The following UPF2 variants were observed in gnomAD, a reference collection of about 807,000 sequenced individuals.
UPF2 encodes UPF2 regulator of nonsense mediated mRNA decay.
UPF2 carries 17 observed loss-of-function variants against 141.4 expected under a neutral mutation model. That is an observed-to-expected ratio of 0.12 (90% confidence interval 0.08 to 0.18). The LOEUF is 0.18. Ranked by LOEUF, UPF2 falls within the 10% of genes least tolerant of loss-of-function variation. The pLI is 1.00. For missense variants in UPF2, 1,152 were observed against 1,515.9 expected (o/e 0.76, Z 3.99); for synonymous variants, 540 against 498.0 (o/e 1.08, Z -1.12).
chr10:11,958,019 A>G (rs2131192373), intron 12 of UPF2, among the ~76,000 whole-genome samples: 2 of 152,248 alleles, frequency 1.3e-5, no homozygotes, highest in Middle Eastern at 3.4e-3. Flanking sequence ...CAAGTTAAAA[A>G]TATGTGAAGT....
chr10:12,036,240 A>C (rs966204740), intron 1 of UPF2, among the ~76,000 whole-genome samples: 1 of 152,174 alleles, frequency 6.6e-6, no homozygotes, highest in African/African-American at 2.4e-5. Flanking sequence ...GCTCTGTAGG[A>C]GGTTTAGCAG....
chr10:11,992,414 A>C lies in UPF2; in HGVS notation c.1844+5258T>G, dbSNP rs951968325. ...ATTAACTAATATCAGATGAGTGACT[A>C]AAGAGAGTAAGAAAAGAAGACACCA... On this transcript the variant is annotated intron_variant, in intron 8 of 21. Coordinates refer to ENST00000357604, the MANE Select transcript of UPF2 (RefSeq NM_015542.4). The surrounding 1 kb of genome is among the most constrained non-coding windows in gnomAD (Gnocchi z 4.1). Among the ~76,000 whole-genome samples the C allele has an allele frequency of 2.0e-5, 3 of 152,338 alleles. No individual in the cohort carries two copies. The highest frequency in any genetic ancestry group is 7.2e-5 in the African/African-American group (3 of 41,584).
At chr10:12,026,411 A>G (rs920921355) in intron 3 of UPF2, among the ~76,000 whole-genome samples, 1 of 152,188 alleles carries the variant, frequency 6.6e-6, no homozygotes, top group South Asian at 2.1e-4. Context: ...AGTGTCTGGA[A>G]ATCATGGAGC....
rs138102527 is a variant in UPF2, at chr10:12,015,723, A to G, written c.1146-1539T>C. ...GTCTCATAAATAAATAAATAAATAA[A>G]TACTATAACAATTCAAGTAACAATA... is the stretch of plus-strand genomic sequence containing the variant. On this transcript the variant is annotated intron_variant, in intron 3 of 21. Transcript: ENST00000357604. Among the ~76,000 whole-genome samples, 273 of 152,236 alleles carry G rather than the reference A, an allele frequency of 1.8e-3. 1 individual carries two copies. Among genetic ancestry groups the G allele is most frequent in the Middle Eastern group, 0.017 (5 of 294 alleles).
At chr10:11,995,518 C>T (rs112953522) in intron 8 of UPF2, among the ~76,000 whole-genome samples, 15 of 152,246 alleles carry the variant, frequency 9.9e-5, no homozygotes, top group African/African-American at 3.4e-4. Context: ...GGCGCGGTGG[C>T]TCACACATCT....
chr10:11,998,310 G>GA lies in UPF2; in HGVS notation c.1759-554dup, dbSNP rs1833897133. 1.3e-5 allele frequency among the ~76,000 whole-genome samples: 2 copies of GA among 152,064 alleles called. No homozygotes were observed. The highest frequency in any genetic ancestry group is 4.8e-5 in the African/African-American group (2 of 41,418). ...CTGACAGAGGAGAATTCTTCCAAAA[G>GA]AAACTCAACTGTCTTCAATCCCCTG... On this transcript the variant is annotated intron_variant, in intron 7 of 21. Transcript: ENST00000357604. This position sits in a 1 kb window ranked among gnomAD's most constrained non-coding sequence, Gnocchi z 4.5.
At chr10:11,960,933 TAAA>T (rs775837234) in intron 11 of UPF2, among the ~76,000 whole-genome samples, 1 of 151,214 alleles carries the variant, frequency 6.6e-6, no homozygotes, top group Non-Finnish European at 1.5e-5. Context: ...CTCTATAAAA[TAAA>T]AAAATTAGCC....
chr10:12,011,448 A>C (rs1834125830), intron 4 of UPF2, among the ~76,000 whole-genome samples: 1 of 151,304 alleles, frequency 6.6e-6, no homozygotes, highest in African/African-American at 2.4e-5. Flanking sequence ...AAATGCAAAA[A>C]TTAGCTGGGC....
chr10:12,031,908 T>G (rs1325748912), intron 2 of UPF2, among the ~76,000 whole-genome samples: 1 of 152,206 alleles, frequency 6.6e-6, no homozygotes, highest in African/African-American at 2.4e-5. Context: ...AAAGGTGGCC[T>G]CTATCACTGA....
At chr10:11,943,871 T>A (rs1832967176) in intron 16 of UPF2, among the ~76,000 whole-genome samples, 1 of 151,646 alleles carries the variant, frequency 6.6e-6, no homozygotes, top group African/African-American at 2.4e-5. Flanking sequence ...AAATTTCTTG[T>A]CAAACAGAAG....
In UPF2 at chr10:11,992,977, C is replaced by T. The variant is rs759155172; in HGVS notation, c.1844+4695G>A. On this transcript the variant is annotated intron_variant, in intron 8 of 21. Coordinates refer to ENST00000357604, the MANE Select transcript of UPF2 (RefSeq NM_015542.4). The surrounding 1 kb of genome is among the most constrained non-coding windows in gnomAD (Gnocchi z 4.1). ...CAGCCTGGTTAATATGGTGAAACCCCGTTTCTACTAAAACTACAAAAAATT... is the reference window on the plus strand; with the variant it reads ...CAGCCTGGTTAATATGGTGAAACCCTGTTTCTACTAAAACTACAAAAAATT... Among the ~76,000 whole-genome samples the T allele has an allele frequency of 1.3e-5, 2 of 151,878 alleles. No homozygotes were observed. Among genetic ancestry groups the T allele is most frequent in the East Asian group, 1.9e-4 (1 of 5,180 alleles).
chr10:11,942,270 G>C (rs1161951488), intron 18 of UPF2, among the ~76,000 whole-genome samples: 3 of 152,178 alleles, frequency 2.0e-5, no homozygotes, highest in Non-Finnish European at 2.9e-5. Context: ...CTACTAGGGA[G>C]GCTGAGGCAC....
At chr10:11,985,040 T>C (rs1351599156) in intron 8 of UPF2, among the ~76,000 whole-genome samples, 1 of 152,176 alleles carries the variant, frequency 6.6e-6, no homozygotes, top group East Asian at 1.9e-4. Flanking sequence ...GCAAGACAGT[T>C]TTGTGCTACC....
At position 11,979,207 on chromosome 10, in the gene UPF2, T is replaced by C. The variant is rs754169615; in HGVS notation, c.1845-42A>G. The C allele has an allele frequency of 2.1e-6, 3 of 1,438,240 alleles. No homozygotes were observed. The highest frequency in any genetic ancestry group is 1.9e-6 in the Non-Finnish European group (2 of 1,038,960). 89.1% of individuals were successfully genotyped at this position (1,438,240 alleles called of 1,614,324 possible). ...TGATATGTGTCAAAGGAAAGACATA[T>C]CAAAAATAATTCATTTTAAAATTTA... On this transcript the variant is annotated intron_variant, in intron 8 of 21. Coordinates refer to ENST00000357604, the MANE Select transcript of UPF2 (RefSeq NM_015542.4). This position sits in a 1 kb window ranked among gnomAD's most constrained non-coding sequence, Gnocchi z 6.2.
intron 1 of UPF2, among the ~76,000 whole-genome samples, chr10:12,038,375 A>ATCTC (rs767655170): frequency 2.6e-5 from 2 of 76,750 alleles, no homozygotes; most frequent in Admixed American, 1.5e-4. Flanking sequence ...GTGAGACTCC[A>ATCTC]TCTCACACAC....
intron 14 of UPF2, 64 bp from the exon 15 acceptor site, chr10:11,952,313 A>C (rs1833085910): frequency 7.1e-7 from 1 of 1,399,914 alleles, no homozygotes; most frequent in Admixed American, 2.6e-5. Flanking sequence ...TTAAAATAAT[A>C]AACTATATTG....
Position 11,995,313 on chromosome 10 carries a change from G to T in UPF2, c.1844+2359C>A, listed in dbSNP as rs142884669. Among the ~76,000 whole-genome samples the T allele has an allele frequency of 4.6e-5, 7 of 152,302 alleles. No individual in the cohort carries two copies. In the East Asian group the frequency reaches 7.7e-4, roughly 17 times the overall value. ...TCAAGATTCTGCAGAAGGAAGAATG[G>T]TTAGAATTAAGACTGAAGAAGTTGA... On this transcript the variant is annotated intron_variant, in intron 8 of 21. Transcript: ENST00000357604.
chr10:11,977,163 C>T (rs145523517), intron 9 of UPF2, among the ~76,000 whole-genome samples: 1,983 of 152,266 alleles, frequency 0.013, 40 homozygotes, highest in African/African-American at 0.041. Flanking sequence ...GACAAGTATA[C>T]TGTAAAACAC....
chr10:11,943,458 C>T (rs1281531161), intron 16 of UPF2, among the ~76,000 whole-genome samples: 1 of 152,182 alleles, frequency 6.6e-6, no homozygotes, highest in East Asian at 1.9e-4. Flanking sequence ...CTTTTGTGTT[C>T]TCCTCCTCCT....
Sources: allele counts gnomAD v4.1 joint callset (sites outside exome capture counted in the v4.1 genomes callset), GRCh38; gene constraint gnomAD v4.1.1; non-coding constraint Gnocchi (gnomAD v3.1); transcripts MANE v1.5; gene names NCBI Gene and HGNC (gene_info 2026-07-23, HGNC 2026-07-21).